The following CEACAM21 variants were observed in gnomAD, a reference collection of about 807,000 sequenced individuals.
The protein encoded by CEACAM21 is CEA cell adhesion molecule 21.
In CEACAM21, 38 loss-of-function variants were observed where a neutral mutation model predicts 33.2. The ratio of observed to expected loss-of-function variants is 1.14; its 90% confidence interval spans 0.88 to 1.50. CEACAM21 has a LOEUF of 1.50. Among genes scored for constraint, CEACAM21 ranks in the 40% most tolerant of loss-of-function variants. CEACAM21 has a pLI of 0.00. For missense variants in CEACAM21, 385 were observed against 364.6 expected (o/e 1.06, Z -0.46); for synonymous variants, 156 against 143.0 (o/e 1.09, Z -0.65).
intron 1 of CEACAM21, among the ~76,000 whole-genome samples, chr19:41,556,484 C>A (rs956853690): frequency 6.6e-6 from 1 of 152,196 alleles, no homozygotes; most frequent in East Asian, 1.9e-4. Context: ...TTTCATGAAG[C>A]CGACTTCTGA....
intron 3 of CEACAM21, among the ~76,000 whole-genome samples, chr19:41,583,227 C>A (rs1015634959): frequency 1.3e-5 from 2 of 152,174 alleles, no homozygotes; most frequent in Admixed American, 6.5e-5. Flanking sequence ...ACAAGAGTCA[C>A]CTTTGTTCCA....
chr19:41,567,603 A>G (rs1048416649), intron 2 of CEACAM21, among the ~76,000 whole-genome samples: 5 of 152,232 alleles, frequency 3.3e-5, no homozygotes, highest in African/African-American at 1.2e-4. Context: ...TTTGTTGCAC[A>G]TTTTAGGATT....
intron 1 of CEACAM21, among the ~76,000 whole-genome samples, chr19:41,554,422 A>G (rs555890871): frequency 6.6e-6 from 1 of 152,186 alleles, no homozygotes; most frequent in African/African-American, 2.4e-5. Flanking sequence ...ATAATTTAAC[A>G]TGACAATTAT....
chr19:41,553,878 A>G (rs1015834906), intron 1 of CEACAM21: 1 of 152,100 alleles, frequency 6.6e-6, no homozygotes, highest in Admixed American at 6.5e-5. Flanking sequence ...AAGAAAACAC[A>G]TTCTTATTGC....
upstream of CEACAM21, among the ~76,000 whole-genome samples, chr19:41,575,448 G>T (rs930206742): frequency 1.3e-5 from 2 of 152,120 alleles, no homozygotes; most frequent in Non-Finnish European, 2.9e-5. Flanking sequence ...TGTAAAAAGG[G>T]ATACAAAGAT....
intron 1 of CEACAM21, chr19:41,551,899 G>C (rs2041233732): frequency 6.6e-6 from 1 of 152,192 alleles, no homozygotes; most frequent in Non-Finnish European, 1.5e-5. Flanking sequence ...TCTACCGCCA[G>C]GCAGGAAGCC....
At chr19:41,552,307 C>G (rs1555784579) in intron 1 of CEACAM21, 1 of 152,112 alleles carries the variant, frequency 6.6e-6, no homozygotes, top group Non-Finnish European at 1.5e-5. Context: ...CTTTAGACCC[C>G]CAATGAACTT....
intron 1 of CEACAM21, among the ~76,000 whole-genome samples, chr19:41,552,777 T>A (rs1291680328): frequency 8.6e-5 from 13 of 151,820 alleles, no homozygotes; most frequent in Admixed American, 7.2e-4. Context: ...GTTTCGGGGG[T>A]GTAGAGGCAG....
At chr19:41,562,355 G>A (rs1303324866) in intron 1 of CEACAM21, among the ~76,000 whole-genome samples, 1 of 151,520 alleles carries the variant, frequency 6.6e-6, no homozygotes, top group Non-Finnish European at 1.5e-5. Flanking sequence ...GAGATGTGCA[G>A]CACATACAGT....
At position 41,571,022 on chromosome 19, in the gene CEACAM21, C is replaced by A. The variant is rs797028014; in HGVS notation, c.-404+5966C>A. ...AGGGCTCTCCACTCCTCAGCATTGA[C>A]ATTTGGGTGGTCAAACTGGTGGGGC... On this transcript the variant is annotated intron_variant, in intron 2 of 7. Transcript: ENST00000407170. Among the ~76,000 whole-genome samples, 6 of 152,202 alleles carry A rather than the reference C, an allele frequency of 3.9e-5. 1 individual carries two copies. The highest frequency in any genetic ancestry group is 1.2e-4 in the African/African-American group (5 of 41,516).
intron 1 of CEACAM21, chr19:41,550,140 G>A (rs1435226703): frequency 6.6e-6 from 1 of 152,210 alleles, no homozygotes; most frequent in Non-Finnish European, 1.5e-5. Context: ...ACAACCAGTT[G>A]TATGTGAACT....
chr19:41,562,947 C>A (rs1234270561), intron 1 of CEACAM21, among the ~76,000 whole-genome samples: 1 of 152,090 alleles, frequency 6.6e-6, no homozygotes, highest in Non-Finnish European at 1.5e-5. Context: ...CCAGGATGGT[C>A]TCGATCTCCT....
intron 2 of CEACAM21, among the ~76,000 whole-genome samples, chr19:41,567,787 T>A (rs1555788622): frequency 1.3e-5 from 2 of 151,922 alleles, no homozygotes; most frequent in Non-Finnish European, 2.9e-5. Context: ...ACTCAAACAA[T>A]CTCGCTAGAT....
chr19:41,571,192 C>T (rs1396357643), upstream of CEACAM21, among the ~76,000 whole-genome samples: 1 of 151,922 alleles, frequency 6.6e-6, no homozygotes, highest in Non-Finnish European at 1.5e-5. Flanking sequence ...GTCACTGATC[C>T]ACACTAATCT....
chr19:41,557,760 G>C (rs576955319), intron 1 of CEACAM21, among the ~76,000 whole-genome samples: 1 of 152,236 alleles, frequency 6.6e-6, no homozygotes, highest in Non-Finnish European at 1.5e-5. Context: ...TTTGTCAACA[G>C]GGGATACATC....
chr19:41,558,324 C>T (rs2041664012), intron 1 of CEACAM21, among the ~76,000 whole-genome samples: 2 of 152,078 alleles, frequency 1.3e-5, no homozygotes, highest in Admixed American at 6.5e-5. Context: ...ATCTTTGAAA[C>T]ATCTATCTAT....
Position 41,584,439 on chromosome 19 carries a change from G to T in CEACAM21, c.793G>T (p.Gly265Cys). Reference protein sequence around the residue: ...LVCFLLLRKTGRASDQSDFRE... With the variant: ...LVCFLLLRKTCRASDQSDFRE... Reference sequence around the variant, plus strand: ...GTGTTTCCTGCTCCTCCGAAAAACTGGCAGGTACCACAGCTTTTCCCCATT... The same window carrying T: ...GTGTTTCCTGCTCCTCCGAAAAACTTGCAGGTACCACAGCTTTTCCCCATT... Residue 265 changes from glycine (G) to cysteine (C), a missense_variant, in exon 4 of 7, where the codon GGC becomes TGC. Transcript: ENST00000401445. 1.2e-6 allele frequency: 2 copies of T among 1,603,166 alleles called. No individual in the cohort carries two copies. The highest frequency in any genetic ancestry group is 1.7e-6 in the Non-Finnish European group (2 of 1,174,476).
At chr19:41,575,177 TGGGGCA>T (rs1353388791), upstream of CEACAM21, among the ~76,000 whole-genome samples, 1 of 151,886 alleles carries the variant, frequency 6.6e-6, no homozygotes, top group African/African-American at 2.4e-5. Context: ...TACCAGTGGG[TGGGGCA>T]GGGGGAAGTG....
chr19:41,585,428 C>A lies in CEACAM21; in HGVS notation c.798-15C>A. ...TTAACCTTGCACCTTCACAAATAAC[C>A]CTGACCTTTCCTAGGGCCAGCGATC... On this transcript the variant is annotated splice_polypyrimidine_tract_variant and intron_variant, in intron 4 of 6. Transcript: ENST00000401445. 1 of 1,613,720 alleles carries A rather than the reference C, an allele frequency of 6.2e-7. No individual in the cohort carries two copies. The highest frequency in any genetic ancestry group is 1.1e-5 in the South Asian group (1 of 91,076).
Sources: gnomAD v4.1 joint callset for allele counts (sites outside exome capture counted in the v4.1 genomes callset) on GRCh38, gnomAD v4.1.1 for gene constraint, MANE v1.5 for transcripts, NCBI Gene and HGNC (gene_info 2026-07-23, HGNC 2026-07-21) for gene names.